The following CSNK1G1 variants were observed in gnomAD, a reference collection of about 807,000 sequenced individuals.
CSNK1G1 encodes casein kinase I isoform gamma-1.
CSNK1G1 carries 22 observed loss-of-function variants against 59.6 expected under a neutral mutation model. That is an observed-to-expected ratio of 0.37 (90% CI 0.26 to 0.53). The LOEUF is 0.53. Ranked by LOEUF, CSNK1G1 falls within the 20% of genes least tolerant of loss-of-function variation. CSNK1G1 has a pLI of 0.89. For missense variants in CSNK1G1, 384 were observed against 519.5 expected, an observed-to-expected ratio of 0.74 and a Z score of 2.54; for synonymous variants, 179 against 177.1, an observed-to-expected ratio of 1.01 and a Z score of -0.08.
At chr15:64,301,403 T>C (rs1895332790) in intron 1 of CSNK1G1, among the ~76,000 whole-genome samples, 2 of 151,662 alleles carry the variant, frequency 1.3e-5, no homozygotes, top group South Asian at 4.1e-4. Flanking sequence ...GTAACATTCA[T>C]CTCTACCAGA....
At chr15:64,325,230 T>C (rs1173261836) in intron 1 of CSNK1G1, among the ~76,000 whole-genome samples, 1 of 152,208 alleles carries the variant, frequency 6.6e-6, no homozygotes, top group Non-Finnish European at 1.5e-5. Context: ...GTTAGTGATA[T>C]TTTACCTTCA....
At chr15:64,173,836 A>G (rs1400474884) in intron 11 of CSNK1G1, among the ~76,000 whole-genome samples, 1 of 151,562 alleles carries the variant, frequency 6.6e-6, no homozygotes, top group African/African-American at 2.4e-5. Context: ...CTGGTCTGGA[A>G]CTCCTGACCT....
chr15:64,272,142 C>G lies in CSNK1G1; in HGVS notation c.182-12901G>C, dbSNP rs557657483. Among the ~76,000 whole-genome samples the G allele has an allele frequency of 4.6e-5, 7 of 152,080 alleles. No homozygotes were observed. The East Asian group carries it at 1.2e-3, about 25-fold the overall frequency. ...CCTTTTATTTTGAGCCTACGGATAT[C>G]ATTACATGACATGGGTCTCTTGAAG... is the stretch of plus-strand genomic sequence containing the variant. On this transcript the variant is annotated intron_variant, in intron 2 of 11. Transcript: ENST00000303052.
intron 1 of CSNK1G1, among the ~76,000 whole-genome samples, chr15:64,352,272 C>T (rs1898337758): frequency 6.6e-6 from 1 of 151,564 alleles, no homozygotes; most frequent in East Asian, 2.0e-4. Context: ...TGCCGCTGCA[C>T]TCCAGCATGG....
At chr15:64,239,358 T>C (rs761728521) in intron 4 of CSNK1G1, among the ~76,000 whole-genome samples, 3 of 152,078 alleles carry the variant, frequency 2.0e-5, no homozygotes, top group Non-Finnish European at 4.4e-5. Flanking sequence ...GTTGTTGTTG[T>C]TGTATGTTTT....
chr15:64,290,159 C>T (rs1675955389), intron 2 of CSNK1G1, among the ~76,000 whole-genome samples: 1 of 151,948 alleles, frequency 6.6e-6, no homozygotes, highest in South Asian at 2.1e-4. Context: ...TGGAAGTTTC[C>T]CAAAAAACTA....
intron 11 of CSNK1G1, among the ~76,000 whole-genome samples, chr15:64,175,123 T>C (rs1645930684): frequency 6.6e-6 from 1 of 151,224 alleles, no homozygotes; most frequent in African/African-American, 2.4e-5. Context: ...ACCACCACAA[T>C]GTCGGATTAC....
intron 10 of CSNK1G1, among the ~76,000 whole-genome samples, chr15:64,198,914 G>A (rs932501806): frequency 1.3e-5 from 2 of 151,764 alleles, no homozygotes; most frequent in African/African-American, 4.8e-5. Context: ...TCAACGTGAA[G>A]GAATTCCAAT....
intron 1 of CSNK1G1, among the ~76,000 whole-genome samples, chr15:64,331,863 G>C (rs1299681936): frequency 6.7e-6 from 1 of 148,704 alleles, no homozygotes; most frequent in Non-Finnish European, 1.5e-5. Context: ...AGTGGGCGAA[G>C]GACATGAACA....
intron 1 of CSNK1G1, among the ~76,000 whole-genome samples, chr15:64,318,975 T>C (rs1378488377): frequency 6.6e-6 from 1 of 151,956 alleles, no homozygotes; most frequent in East Asian, 1.9e-4. Flanking sequence ...CTCAGTCTCC[T>C]GAGTAGCTGG....
chr15:64,246,307 G>C (rs1891752345), intron 4 of CSNK1G1, among the ~76,000 whole-genome samples: 1 of 152,078 alleles, frequency 6.6e-6, no homozygotes, highest in Non-Finnish European at 1.5e-5. Flanking sequence ...TTTGACTACT[G>C]CATTTGTGAA....
Position 64,176,809 on chromosome 15 carries a change from A to C in CSNK1G1, c.1214+3539T>G, listed in dbSNP as rs527360255. 6.6e-6 allele frequency among the ~76,000 whole-genome samples: 1 copy of C among 152,310 alleles called. No homozygotes were observed. The highest frequency in any genetic ancestry group is 2.4e-5 in the African/African-American group (1 of 41,566). On this transcript the variant is annotated intron_variant, in intron 11 of 11. Coordinates refer to ENST00000303052, the MANE Select transcript of CSNK1G1 (RefSeq NM_022048.5). The surrounding 1 kb of genome is among the most constrained non-coding windows in gnomAD (Gnocchi z 5.2). ...AGCTCTTCCTCTAGAGAGGGAGAAA[A>C]GGTTTAAGCGACACTTACTTTATCT...
intron 4 of CSNK1G1, among the ~76,000 whole-genome samples, chr15:64,238,518 A>AAAAAAAAAATATATAT (rs1555396879): frequency 2.0e-5 from 1 of 49,248 alleles, no homozygotes; most frequent in African/African-American, 1.2e-4. Flanking sequence ...AAAAAAAAAA[A>AAAAAAAAAATATATAT]ATATATATAT....
chr15:64,310,780 G>A (rs1895951350), intron 1 of CSNK1G1, among the ~76,000 whole-genome samples: 1 of 152,046 alleles, frequency 6.6e-6, no homozygotes, highest in Admixed American at 6.5e-5. Context: ...GCCGAGGCAG[G>A]CAGATCACAA....
At chr15:64,333,460 G>A (rs1183630137) in intron 1 of CSNK1G1, among the ~76,000 whole-genome samples, 127 of 20,204 alleles carry the variant, frequency 6.3e-3, no homozygotes, top group Non-Finnish European at 0.012. Context: ...AAAAAAAAAA[G>A]GTCAATATGT....
At chr15:64,348,402 G>C (rs1336575989) in intron 1 of CSNK1G1, 1 of 152,042 alleles carries the variant, frequency 6.6e-6, no homozygotes, top group Non-Finnish European at 1.5e-5. Context: ...GGGGAAACTG[G>C]GGGATGGAGG....
At chr15:64,298,531 A>G (rs569737506) in intron 2 of CSNK1G1, among the ~76,000 whole-genome samples, 1 of 152,344 alleles carries the variant, frequency 6.6e-6, no homozygotes, top group African/African-American at 2.4e-5. Flanking sequence ...GGTAACCCGA[A>G]CACAATTCTA....
chr15:64,168,250 T>A lies in CSNK1G1; in HGVS notation c.*3681A>T, dbSNP rs1247444497. On this transcript the variant is annotated 3_prime_UTR_variant, in exon 12 of 12. Coordinates refer to ENST00000303052, the MANE Select transcript of CSNK1G1 (RefSeq NM_022048.5). ...TACCTTCCTAGACCCTGTTTATTGC[T>A]GGACAGGCTCCATAATAGCAGAAGA... is the stretch of plus-strand genomic sequence containing the variant. 1 of 152,666 alleles carries A rather than the reference T, an allele frequency of 6.6e-6. No individual in the cohort carries two copies. The highest frequency in any genetic ancestry group is 2.4e-5 in the African/African-American group (1 of 41,456). 9.5% of individuals were successfully genotyped at this position (152,666 alleles called of 1,614,324 possible).
intron 1 of CSNK1G1, among the ~76,000 whole-genome samples, chr15:64,333,758 C>T (rs1178752879): frequency 6.6e-6 from 1 of 152,238 alleles, no homozygotes; most frequent in Admixed American, 6.5e-5. Context: ...AATAGCTGTT[C>T]TTACATCAGA....
Sources: gnomAD v4.1 joint callset for allele counts (sites outside exome capture counted in the v4.1 genomes callset) on GRCh38, gnomAD v4.1.1 for gene constraint, Gnocchi (gnomAD v3.1) non-coding constraint, MANE v1.5 for transcripts, NCBI Gene and HGNC (gene_info 2026-07-23, HGNC 2026-07-21) for gene names.